Variants in CSMD1 observed in about 807,000 individuals in gnomAD.
The protein encoded by CSMD1 is CUB and sushi domain-containing protein 1.
Under a neutral mutation model 417.5 loss-of-function variants are expected in CSMD1, and 213 were observed. The ratio of observed to expected loss-of-function variants is 0.51; its 90% CI spans 0.46 to 0.57. The LOEUF (loss-of-function observed/expected upper bound fraction) is 0.57, where lower values mean the gene tolerates loss of function less well. Among genes scored for constraint, CSMD1 ranks in the 20% least tolerant of loss-of-function variants. The pLI, the probability that CSMD1 is intolerant of heterozygous loss-of-function variation, is 0.00. For missense variants in CSMD1, 6,923 were observed against 4,529.7 expected, an observed-to-expected ratio of 1.53 and a Z score of -15.17; for synonymous variants, 2,862 against 1,736.8, an observed-to-expected ratio of 1.65 and a Z score of -16.11.
At position 3,887,591 on chromosome 8, in the gene CSMD1, T is replaced by C. The variant is rs937381737; in HGVS notation, c.818+110312A>G. Among the ~76,000 whole-genome samples, 5 of 152,230 alleles carry C rather than the reference T, an allele frequency of 3.3e-5. No individual in the cohort carries two copies. In the South Asian group the frequency reaches 6.2e-4, roughly 19 times the overall value. ...CTGTAGAGCAAGGCCAAGGAAATTA[T>C]GTTTTAAAGCTCCCCAGGTAATTCT... On this transcript the variant is annotated intron_variant, in intron 5 of 69. Transcript: ENST00000635120.
intron 3 of CSMD1, among the ~76,000 whole-genome samples, chr8:4,089,700 C>G (rs767965179): frequency 1.3e-5 from 2 of 152,150 alleles, no homozygotes; most frequent in Non-Finnish European, 2.9e-5. Context: ...GTGCCCAACA[C>G]AGAAAGCTAG....
chr8:4,898,436 G>A (rs1804646762), intron 1 of CSMD1, among the ~76,000 whole-genome samples: 1 of 151,490 alleles, frequency 6.6e-6, no homozygotes, highest in South Asian at 2.1e-4. Flanking sequence ...GGTCACAGAA[G>A]GACCGCATGG....
At chr8:4,618,304 C>T (rs920656743) in intron 2 of CSMD1, among the ~76,000 whole-genome samples, 10 of 101,884 alleles carry the variant, frequency 9.8e-5, no homozygotes, top group African/African-American at 4.3e-4. Flanking sequence ...CCATGTCCCT[C>T]ATAAGCAGGA....
intron 3 of CSMD1, among the ~76,000 whole-genome samples, chr8:4,086,526 C>T (rs1158441370): frequency 7.2e-5 from 11 of 152,160 alleles, no homozygotes; most frequent in African/African-American, 2.7e-4. Flanking sequence ...CTGGTCAACT[C>T]CCAATTTGTC....
intron 25 of CSMD1, among the ~76,000 whole-genome samples, chr8:3,293,361 G>A (rs900456774): frequency 2.0e-5 from 3 of 152,102 alleles, no homozygotes; most frequent in Non-Finnish European, 4.4e-5. Flanking sequence ...TCCTGAATTT[G>A]AATGTTGGCC....
intron 1 of CSMD1, among the ~76,000 whole-genome samples, chr8:4,706,313 GAAAT>G (rs1807938644): frequency 4.0e-5 from 6 of 151,836 alleles, no homozygotes; most frequent in Admixed American, 2.6e-4. Flanking sequence ...CATGAAATAA[GAAAT>G]AAATAAAATA....
At chr8:3,417,872 C>T (rs76615096) in intron 12 of CSMD1, among the ~76,000 whole-genome samples, 1,973 of 152,254 alleles carry the variant, frequency 0.013, 48 homozygotes, top group East Asian at 0.097. Flanking sequence ...GCGGTATGGA[C>T]GTGGCACATG....
intron 1 of CSMD1, among the ~76,000 whole-genome samples, chr8:4,818,018 G>A (rs1799303326): frequency 6.6e-6 from 1 of 152,150 alleles, no homozygotes; most frequent in Non-Finnish European, 1.5e-5. Flanking sequence ...ATAAGGTTCA[G>A]TCAGCGTCAC....
intron 3 of CSMD1, among the ~76,000 whole-genome samples, chr8:4,380,998 C>G (rs553757008): frequency 1.6e-4 from 25 of 152,222 alleles, no homozygotes; most frequent in African/African-American, 6.0e-4. Context: ...GCGTATCTCA[C>G]TGCCAGAACT....
At chr8:4,309,347 A>T (rs1280819675) in intron 3 of CSMD1, among the ~76,000 whole-genome samples, 2 of 152,142 alleles carry the variant, frequency 1.3e-5, no homozygotes, top group Non-Finnish European at 2.9e-5. Flanking sequence ...AAGTTTTTTT[A>T]GGAAAAAAAC....
intron 7 of CSMD1, among the ~76,000 whole-genome samples, chr8:3,636,268 G>A (rs917879486): frequency 2.0e-5 from 3 of 152,132 alleles, no homozygotes; most frequent in Admixed American, 6.5e-5. Context: ...GCCTTCTTCT[G>A]GAATCCCTCC....
intron 3 of CSMD1, among the ~76,000 whole-genome samples, chr8:4,414,154 C>T (rs1019232698): frequency 2.0e-5 from 3 of 152,188 alleles, no homozygotes; most frequent in Admixed American, 1.3e-4. Flanking sequence ...CTAAATAAAG[C>T]TTTGAGCTTG....
Position 4,942,392 on chromosome 8 carries a change from T to G in CSMD1, c.85+51940A>C, listed in dbSNP as rs186830963. Among the ~76,000 whole-genome samples the G allele has an allele frequency of 3.8e-3, 581 of 152,328 alleles. 2 individuals are homozygous for G. The highest frequency in any genetic ancestry group is 0.014 in the African/African-American group (562 of 41,562). On this transcript the variant is annotated intron_variant, in intron 1 of 69. Transcript: ENST00000635120. ...TGATGTTTCTTTGCTGAGATTACTC[T>G]TATCATGTTGTACTGGAGGAATTCA...
At chr8:2,986,905 C>T (rs919591949) in intron 54 of CSMD1, among the ~76,000 whole-genome samples, 1 of 149,738 alleles carries the variant, frequency 6.7e-6, no homozygotes, top group Non-Finnish European at 1.5e-5. Flanking sequence ...TTTACTACAG[C>T]AATAGCAAAA....
chr8:3,424,490 G>A (rs17394143), intron 12 of CSMD1, among the ~76,000 whole-genome samples: 12,491 of 152,200 alleles, frequency 0.082, 621 homozygotes, highest in Middle Eastern at 0.16. Context: ...CTTAATGATT[G>A]TCCCTTAGGT....
At chr8:4,650,347 G>GAAA (rs61642390) in intron 1 of CSMD1, among the ~76,000 whole-genome samples, 785 of 78,256 alleles carry the variant, frequency 0.01, 50 homozygotes, top group African/African-American at 0.03. Context: ...TCCGTCTCAA[G>GAAA]AAAAAAAAAA....
chr8:4,809,217 G>A (rs1161168086), intron 1 of CSMD1, among the ~76,000 whole-genome samples: 1 of 152,094 alleles, frequency 6.6e-6, no homozygotes, highest in Admixed American at 6.5e-5. Flanking sequence ...TATTCTTTAG[G>A]AGAAAAGATA....
At chr8:4,874,805 T>C (rs1350326999) in intron 1 of CSMD1, among the ~76,000 whole-genome samples, 2 of 150,508 alleles carry the variant, frequency 1.3e-5, no homozygotes, top group African/African-American at 4.9e-5. Flanking sequence ...TGTGTGTATA[T>C]ATATATATTT....
intron 25 of CSMD1, among the ~76,000 whole-genome samples, chr8:3,295,052 A>G (rs1430270320): frequency 6.6e-6 from 1 of 151,770 alleles, no homozygotes; most frequent in African/African-American, 2.4e-5. Context: ...TGTGTGTTTA[A>G]GAGTAGTTAC....
Sources: gnomAD v4.1 joint callset for allele counts (sites outside exome capture counted in the v4.1 genomes callset) on GRCh38, gnomAD v4.1.1 for gene constraint, MANE v1.5 for transcripts, NCBI Gene and HGNC (gene_info 2026-07-23, HGNC 2026-07-21) for gene names.